The following LMNTD1 variants were observed in gnomAD, a reference collection of about 807,000 sequenced individuals.
LMNTD1 encodes lamin tail domain containing 1, also known as lamin tail domain-containing protein 1.
In LMNTD1, 35 loss-of-function variants were observed where a neutral mutation model predicts 50.9. That is an observed-to-expected ratio of 0.69 (90% CI 0.53 to 0.91). The LOEUF (loss-of-function observed/expected upper bound fraction) is 0.91, where lower values mean the gene tolerates loss of function less well. Among genes scored for constraint, LMNTD1 ranks in the 40% least tolerant of loss-of-function variants. The pLI, the probability that LMNTD1 is intolerant of heterozygous loss-of-function variation, is 0.00. For synonymous variants in LMNTD1, 153 were observed against 161.9 expected, an observed-to-expected ratio of 0.94 and a Z score of 0.42; for missense variants, 470 against 475.5, an observed-to-expected ratio of 0.99 and a Z score of 0.11.
At chr12:25,614,043 G>A (rs1026742769) in intron 1 of LMNTD1, among the ~76,000 whole-genome samples, 1 of 151,268 alleles carries the variant, frequency 6.6e-6, no homozygotes, top group African/African-American at 2.4e-5. Flanking sequence ...GAAGGAGAAT[G>A]ATTATTAATG....
chr12:25,532,556 T>C (rs1942298955), intron 4 of LMNTD1, among the ~76,000 whole-genome samples: 1 of 152,170 alleles, frequency 6.6e-6, no homozygotes. Context: ...GCTATCACTC[T>C]GGATTTTGTC....
At chr12:25,608,691 C>G (rs946179392) in intron 1 of LMNTD1, among the ~76,000 whole-genome samples, 1 of 152,192 alleles carries the variant, frequency 6.6e-6, no homozygotes, top group African/African-American at 2.4e-5. Flanking sequence ...AGGGGTTCTG[C>G]TGAGAGATCT....
chr12:25,510,359 T>C (rs1157472493), intron 8 of LMNTD1, among the ~76,000 whole-genome samples: 4 of 152,108 alleles, frequency 2.6e-5, no homozygotes, highest in Non-Finnish European at 5.9e-5. Context: ...ATCATTCCAT[T>C]ATCTTATGAC....
intron 1 of LMNTD1, among the ~76,000 whole-genome samples, chr12:25,588,891 A>G (rs1184688656): frequency 2.6e-5 from 4 of 152,204 alleles, no homozygotes; most frequent in Non-Finnish European, 4.4e-5. Context: ...TATGCTCAAC[A>G]TTATTAGTAG....
At chr12:25,590,165 ACAGTCTTTAGT>A (rs1945652697) in intron 1 of LMNTD1, among the ~76,000 whole-genome samples, 1 of 152,194 alleles carries the variant, frequency 6.6e-6, no homozygotes, top group African/African-American at 2.4e-5. Context: ...GGTAGGATAA[ACAGTCTTTAGT>A]CACTGACACC....
At chr12:25,519,092 G>A in intron 7 of LMNTD1, 125 bp from the exon 8 acceptor site, 1 of 840,752 alleles carries the variant, frequency 1.2e-6, no homozygotes. Flanking sequence ...TAAACTTTGT[G>A]GGCAGAACTT....
rs570024797 is a variant in LMNTD1, at chr12:25,589,549, A to G, written c.59-42995T>C. Among the ~76,000 whole-genome samples, 49 of 152,298 alleles carry G rather than the reference A, an allele frequency of 3.2e-4. No individual in the cohort carries two copies. In the South Asian group the frequency reaches 0.01, roughly 32 times the overall value. Reference sequence around the variant, plus strand: ...TTGTTTCTTAAGCTGGGTGGTAGGCATGAGTTTGTTCATTTTACTTATTTT... The same window carrying G: ...TTGTTTCTTAAGCTGGGTGGTAGGCGTGAGTTTGTTCATTTTACTTATTTT... On this transcript the variant is annotated intron_variant, in intron 1 of 7. Transcript: ENST00000445693.
chr12:25,509,726 A>G (rs187855152), intron 8 of LMNTD1, among the ~76,000 whole-genome samples: 9 of 152,344 alleles, frequency 5.9e-5, no homozygotes, highest in African/African-American at 1.7e-4. Flanking sequence ...AGTGACTGAC[A>G]TTCTTATAAA....
At chr12:25,523,159 T>A (rs1010494508) in intron 6 of LMNTD1, among the ~76,000 whole-genome samples, 1 of 152,016 alleles carries the variant, frequency 6.6e-6, no homozygotes, top group Non-Finnish European at 1.5e-5. Flanking sequence ...TCAGCCTCCC[T>A]AGTAGCTGGG....
chr12:25,610,720 G>T (rs1043072665), intron 1 of LMNTD1, among the ~76,000 whole-genome samples: 2 of 152,154 alleles, frequency 1.3e-5, no homozygotes, highest in Non-Finnish European at 2.9e-5. Flanking sequence ...ACAACATGGG[G>T]CTTGGCATCT....
intron 9 of LMNTD1, among the ~76,000 whole-genome samples, chr12:25,478,566 C>T (rs963741342): frequency 2.0e-5 from 3 of 152,182 alleles, no homozygotes; most frequent in Non-Finnish European, 2.9e-5. Flanking sequence ...GGGCGAATCA[C>T]CTGAGGTCAG....
intron 9 of LMNTD1, among the ~76,000 whole-genome samples, chr12:25,493,107 A>G (rs1478200667): frequency 6.6e-6 from 1 of 152,126 alleles, no homozygotes; most frequent in Non-Finnish European, 1.5e-5. Flanking sequence ...AGGATTTTGT[A>G]TTTGGTTTTG....
chr12:25,487,165 C>T (rs1052143103), intron 9 of LMNTD1, among the ~76,000 whole-genome samples: 2 of 143,142 alleles, frequency 1.4e-5, no homozygotes, highest in African/African-American at 2.6e-5. Flanking sequence ...TGGTGCAGAG[C>T]TGAGTTCAAT....
rs537951843 is a variant in LMNTD1 at position 25,634,585 on chromosome 12, G to A, written c.58+13909C>T. The stretch of plus-strand genomic sequence containing the variant: ...ACAAAATTTAAAACAAAAATCCCAC[G>A]ATTATCTCAATAAATGCAGAAAAAG... On this transcript the variant is annotated intron_variant, in intron 1 of 7. Coordinates refer to the LMNTD1 transcript ENST00000445693. Among the ~76,000 whole-genome samples, 30 of 152,204 alleles carry A rather than the reference G, an allele frequency of 2.0e-4. No individual in the cohort carries two copies. The South Asian group carries it at 2.5e-3, about 13-fold the overall frequency.
In LMNTD1 at chr12:25,503,784, C is replaced by T. The variant is rs772044993; in HGVS notation, c.1206G>A (p.Lys402=). 3.2e-6 allele frequency: 5 copies of T among 1,582,378 alleles called. No individual in the cohort carries two copies. The highest frequency in any genetic ancestry group is 1.8e-4 in the Middle Eastern group (1 of 5,510). ...CTTATTGCTTTTGTGACTCAGATGTCTTCTTTTTCTTAGACCCTGAAAATT... is the reference window on the plus strand; with the variant it reads ...CTTATTGCTTTTGTGACTCAGATGTTTTCTTTTTCTTAGACCCTGAAAATT... ...PNRASGSKKK[K]TSESQKQ is the part of the protein sequence containing the mutation. Residue 402 remains lysine (K), a synonymous_variant, in exon 9 of 10, where the codon AAG becomes AAA. Transcript: ENST00000458174.
chr12:25,489,499 G>T (rs1415918389), intron 9 of LMNTD1, among the ~76,000 whole-genome samples: 1 of 140,154 alleles, frequency 7.1e-6, no homozygotes, highest in Non-Finnish European at 1.6e-5. Flanking sequence ...CGCACGGTGC[G>T]CGCACCCGCT....
At chr12:25,542,047 G>A (rs1049001366) in intron 4 of LMNTD1, among the ~76,000 whole-genome samples, 4 of 151,194 alleles carry the variant, frequency 2.6e-5, no homozygotes, top group African/African-American at 9.7e-5. Flanking sequence ...AGTTAGAATG[G>A]CAATCATTAA....
chr12:25,638,210 A>G (rs896841682), intron 1 of LMNTD1, among the ~76,000 whole-genome samples: 1 of 152,134 alleles, frequency 6.6e-6, no homozygotes, highest in African/African-American at 2.4e-5. Flanking sequence ...AAGAACATCT[A>G]CAAAAAAACT....
chr12:25,504,918 TAAG>T (rs1453919765), intron 8 of LMNTD1, among the ~76,000 whole-genome samples: 2 of 152,228 alleles, frequency 1.3e-5, no homozygotes, highest in African/African-American at 2.4e-5. Context: ...GGCTTAGATA[TAAG>T]AAGACTCTGG....
Sources: gnomAD v4.1 joint callset for allele counts (sites outside exome capture counted in the v4.1 genomes callset) on GRCh38, gnomAD v4.1.1 for gene constraint, MANE v1.5 for transcripts, NCBI Gene and HGNC (gene_info 2026-07-23, HGNC 2026-07-21) for gene names.